The following WDR45B variants were observed in gnomAD, a reference collection of about 807,000 sequenced individuals.
WDR45B encodes the protein WD repeat domain 45B.
Under a neutral mutation model 44.6 loss-of-function variants are expected in WDR45B, and 20 were observed. That is an observed-to-expected ratio of 0.45 (90% CI 0.32 to 0.65). The LOEUF (loss-of-function observed/expected upper bound fraction) is 0.65, where lower values mean the gene tolerates loss of function less well. WDR45B is among the 30% of genes least tolerant of loss of function. WDR45B has a pLI of 0.05. For missense variants in WDR45B, 323 were observed against 430.2 expected (o/e 0.75, Z 2.20); for synonymous variants, 169 against 164.9 (o/e 1.02, Z -0.19).
chr17:82,619,709 C>T (rs144111429), intron 6 of WDR45B, among the ~76,000 whole-genome samples: 45 of 152,294 alleles, frequency 3.0e-4, no homozygotes, highest in Middle Eastern at 3.4e-3. Context: ...GCTGGGAAAA[C>T]GAGAACTGCT....
intron 5 of WDR45B, among the ~76,000 whole-genome samples, chr17:82,623,808 A>T (rs1333585256): frequency 6.6e-6 from 1 of 152,164 alleles, no homozygotes; most frequent in Admixed American, 6.5e-5. Flanking sequence ...AAAGGGAAGA[A>T]CCACAGGGAA....
chr17:82,626,067 G>C (rs930068017), intron 4 of WDR45B: 5 of 160,102 alleles, frequency 3.1e-5, no homozygotes, highest in African/African-American at 1.2e-4. Flanking sequence ...ATTTTTAGTA[G>C]AGATGGGGTT....
At chr17:82,617,198 C>T (rs2045548639) in intron 8 of WDR45B, 98 bp downstream of exon 8, 1 of 1,106,042 alleles carries the variant, frequency 9.0e-7, no homozygotes, top group Non-Finnish European at 1.4e-6. Context: ...TCTGTCCACA[C>T]CACCCTGCTG....
intron 2 of WDR45B, among the ~76,000 whole-genome samples, chr17:82,638,184 G>GGGGAGGCGAGGGAAA (rs1401722323): frequency 9.5e-6 from 1 of 104,806 alleles, no homozygotes; most frequent in African/African-American, 4.2e-5. Flanking sequence ...TCAAAGAAGA[G>GGGGAGGCGAGGGAAA]GGGAGGCGAG....
intron 6 of WDR45B, among the ~76,000 whole-genome samples, chr17:82,620,591 C>T (rs1486491851): frequency 1.3e-5 from 2 of 152,194 alleles, no homozygotes; most frequent in African/African-American, 2.4e-5. Flanking sequence ...GGAGCAGGGC[C>T]GCACTGAACC....
intron 3 of WDR45B, 112 bp from the exon 4 acceptor site, chr17:82,627,403 C>T (rs1009838783): frequency 1.9e-4 from 167 of 883,886 alleles, no homozygotes; most frequent in Non-Finnish European, 2.7e-4. Flanking sequence ...GGCACAGCTG[C>T]GCCCACCCTC....
intron 3 of WDR45B, chr17:82,629,976 C>T: frequency 1.0e-6 from 1 of 984,626 alleles, no homozygotes; most frequent in Non-Finnish European, 1.2e-6. Context: ...CTCCTCCCAC[C>T]CTACCCACCC....
rs146786523 is a variant in WDR45B at position 82,633,421 on chromosome 17, T to C, written c.143-2399A>G. Among the ~76,000 whole-genome samples the C allele has an allele frequency of 3.9e-5, 6 of 152,268 alleles. No individual in the cohort carries two copies. In the East Asian group the frequency reaches 1.2e-3, roughly 29 times the overall value. ...TGTTTCTTCAAAGATAATTTACAAA[T>C]GGCCAACAAGTACAAAGAAAGATGC... On this transcript the variant is annotated intron_variant, in intron 2 of 9. Coordinates refer to ENST00000392325, the MANE Select transcript of WDR45B (RefSeq NM_019613.4).
intron 4 of WDR45B, chr17:82,626,015 T>C (rs1200077487): frequency 5.6e-6 from 1 of 179,634 alleles, no homozygotes; most frequent in African/African-American, 2.4e-5. Context: ...CCTGAGTAGG[T>C]GGGATTACAG....
rs781395007 is a variant in WDR45B at position 82,648,372 on chromosome 17, C to T, written c.-32G>A. On this transcript the variant is annotated 5_prime_UTR_variant, in exon 1 of 10. Transcript: ENST00000392325. The stretch of plus-strand genomic sequence containing the variant: ...GCCGTGCTGGGTCGCCGCTCCTCAG[C>T]GCTGCATGCCTCTCGCTGGGGACGG... 27 of 1,599,008 alleles carry T rather than the reference C, an allele frequency of 1.7e-5. No homozygotes were observed. Among genetic ancestry groups the T allele is most frequent in the Non-Finnish European group, 2.2e-5 (26 of 1,174,956 alleles).
chr17:82,624,624 G>GTTTTT (rs544094467), intron 5 of WDR45B, among the ~76,000 whole-genome samples: 1 of 143,670 alleles, frequency 7.0e-6, no homozygotes, highest in Non-Finnish European at 1.5e-5. Flanking sequence ...ATTTATTGAA[G>GTTTTT]TTTTTTTTTT....
At chr17:82,637,389 T>G (rs1739138574) in intron 2 of WDR45B, among the ~76,000 whole-genome samples, 2 of 151,912 alleles carry the variant, frequency 1.3e-5, no homozygotes, top group Non-Finnish European at 2.9e-5. Context: ...ATGGTCTCTA[T>G]TCTCACACAA....
At chr17:82,640,475 C>A (rs113523456) in intron 2 of WDR45B, among the ~76,000 whole-genome samples, 21 of 151,992 alleles carry the variant, frequency 1.4e-4, no homozygotes, top group Non-Finnish European at 2.1e-4. Context: ...CTCAGCCTCC[C>A]GAGTAGCTGG....
chr17:82,639,302 C>A (rs2045878852), intron 2 of WDR45B, among the ~76,000 whole-genome samples: 1 of 152,040 alleles, frequency 6.6e-6, no homozygotes, highest in East Asian at 1.9e-4. Flanking sequence ...ACAGTAATCA[C>A]CCCTTTCATG....
chr17:82,636,578 T>A (rs1275751635), intron 2 of WDR45B: 3 of 152,068 alleles, frequency 2.0e-5, no homozygotes, highest in Admixed American at 6.6e-5. Flanking sequence ...CAGAGCTTTC[T>A]ATGTTCCAGA....
At chr17:82,622,957 G>A (rs1171166270) in intron 5 of WDR45B, among the ~76,000 whole-genome samples, 1 of 152,136 alleles carries the variant, frequency 6.6e-6, no homozygotes, top group African/African-American at 2.4e-5. Flanking sequence ...GCCTCACTCT[G>A]AATACAAAAT....
intron 6 of WDR45B, 100 bp from the exon 7 acceptor site, chr17:82,619,228 CT>C: frequency 9.3e-7 from 1 of 1,079,830 alleles, no homozygotes; most frequent in East Asian, 2.5e-5. Context: ...CCACACAAGC[CT>C]TTCTCAAACT....
intron 2 of WDR45B, among the ~76,000 whole-genome samples, chr17:82,638,284 G>A (rs1307940550): frequency 1.1e-5 from 1 of 93,168 alleles, no homozygotes; most frequent in East Asian, 3.3e-4. Flanking sequence ...GAGGAGGAAA[G>A]AAAGAAAGAA....
intron 2 of WDR45B, among the ~76,000 whole-genome samples, chr17:82,642,124 G>C (rs1263898603): frequency 1.3e-5 from 2 of 152,108 alleles, no homozygotes; most frequent in South Asian, 2.1e-4. Flanking sequence ...GCCCTCATCT[G>C]TATTCTTGGC....
Sources: allele counts gnomAD v4.1 joint callset (sites outside exome capture counted in the v4.1 genomes callset), GRCh38; gene constraint gnomAD v4.1.1; transcripts MANE v1.5; gene names NCBI Gene and HGNC (gene_info 2026-07-23, HGNC 2026-07-21).